The following GALNT13 variants were observed in gnomAD, a reference collection of about 807,000 sequenced individuals.
GALNT13 encodes polypeptide N-acetylgalactosaminyltransferase 13.
GALNT13 carries 28 observed loss-of-function variants against 64.2 expected under a neutral mutation model. That is an observed-to-expected ratio of 0.44 (90% CI 0.32 to 0.60). The LOEUF (loss-of-function observed/expected upper bound fraction) is 0.60, where lower values mean the gene tolerates loss of function less well. Ranked by LOEUF, GALNT13 falls within the 20% of genes least tolerant of loss-of-function variation. GALNT13 has a pLI of 0.05. For synonymous variants in GALNT13, 214 were observed against 224.6 expected (o/e 0.95, Z 0.42); for missense variants, 577 against 669.8 (o/e 0.86, Z 1.53).
chr2:153,695,759 A>T, the GALNT13 span, among the ~76,000 whole-genome samples: 39 of 152,342 alleles, frequency 2.6e-4, no homozygotes, highest in African/African-American at 8.7e-4. Flanking sequence ...CATTACACAG[A>T]GGATGATATT....
chr2:153,209,609 C>T, the GALNT13 span, among the ~76,000 whole-genome samples: 1,456 of 152,174 alleles, frequency 9.6e-3, 10 homozygotes, highest in Middle Eastern at 0.014. Flanking sequence ...AGTCCTCCAA[C>T]TTATATCTTA....
At chr2:153,244,602 G>A in the GALNT13 span, among the ~76,000 whole-genome samples, 1 of 152,232 alleles carries the variant, frequency 6.6e-6, no homozygotes, top group South Asian at 2.1e-4. Flanking sequence ...ACTAAGGCCA[G>A]ATGCTACGCT....
At chr2:153,075,065 A>G in the GALNT13 span, among the ~76,000 whole-genome samples, 2 of 152,180 alleles carry the variant, frequency 1.3e-5, no homozygotes, top group African/African-American at 4.8e-5. Flanking sequence ...TATTTTGGGC[A>G]AAGAGAACAT....
the GALNT13 span, among the ~76,000 whole-genome samples, chr2:153,614,508 C>A: frequency 6.6e-6 from 1 of 151,990 alleles, no homozygotes; most frequent in Non-Finnish European, 1.5e-5. Flanking sequence ...TGAGTCAACT[C>A]CTTGAGTCAG....
intron 9 of GALNT13, among the ~76,000 whole-genome samples, chr2:154,345,612 C>T (rs1390663687): frequency 1.3e-5 from 2 of 151,936 alleles, no homozygotes; most frequent in Non-Finnish European, 2.9e-5. Flanking sequence ...ATATGCTAGA[C>T]CCAGAGCATA....
chr2:153,240,744 C>G, the GALNT13 span, among the ~76,000 whole-genome samples: 2 of 152,030 alleles, frequency 1.3e-5, no homozygotes, highest in African/African-American at 4.8e-5. Context: ...TGTCTGTAGT[C>G]CAGTCATGGA....
At chr2:153,462,881 A>T in the GALNT13 span, among the ~76,000 whole-genome samples, 1 of 152,090 alleles carries the variant, frequency 6.6e-6, no homozygotes, top group African/African-American at 2.4e-5. Flanking sequence ...ACTTCTAATC[A>T]CTGGCATATA....
chr2:154,427,573 A>C (rs1700526993), intron 11 of GALNT13, among the ~76,000 whole-genome samples: 1 of 152,208 alleles, frequency 6.6e-6, no homozygotes. Flanking sequence ...TTGAGGTGAA[A>C]GCAGAAAGAG....
At chr2:154,375,695 A>G (rs1309395955) in intron 9 of GALNT13, among the ~76,000 whole-genome samples, 1 of 152,024 alleles carries the variant, frequency 6.6e-6, no homozygotes, top group Non-Finnish European at 1.5e-5. Flanking sequence ...TAATAATGCG[A>G]TTTTCAAACC....
the GALNT13 span, among the ~76,000 whole-genome samples, chr2:153,407,039 A>G: frequency 6.6e-6 from 1 of 152,086 alleles, no homozygotes; most frequent in Non-Finnish European, 1.5e-5. Flanking sequence ...AAAACAATAA[A>G]TATATAAAGA....
chr2:153,245,957 G>T, the GALNT13 span, among the ~76,000 whole-genome samples: 1 of 152,036 alleles, frequency 6.6e-6, no homozygotes, highest in Admixed American at 6.6e-5. Context: ...CAACATAAAT[G>T]ACCTGATGGA....
the GALNT13 span, among the ~76,000 whole-genome samples, chr2:153,141,490 T>C: frequency 1.3e-5 from 2 of 151,970 alleles, no homozygotes; most frequent in South Asian, 4.1e-4. Context: ...TTTTGTCTAG[T>C]ATTAAAACCT....
chr2:153,900,176 T>C (rs1688144299), intron 1 of GALNT13, among the ~76,000 whole-genome samples: 1 of 152,000 alleles, frequency 6.6e-6, no homozygotes, highest in Non-Finnish European at 1.5e-5. Flanking sequence ...TGTATTTTAT[T>C]ATATGTCTTT....
chr2:153,822,070 CA>C, the GALNT13 span, among the ~76,000 whole-genome samples: 1 of 152,018 alleles, frequency 6.6e-6, no homozygotes, highest in Admixed American at 6.6e-5. Flanking sequence ...GTATGAGCTC[CA>C]AAATAGAATC....
intron 8 of GALNT13, among the ~76,000 whole-genome samples, chr2:154,272,546 A>G (rs1691411064): frequency 6.6e-6 from 1 of 152,110 alleles, no homozygotes; most frequent in African/African-American, 2.4e-5. Context: ...CCAAACATAA[A>G]GGACTTAAAT....
At chr2:153,143,290 T>C in the GALNT13 span, among the ~76,000 whole-genome samples, 1 of 152,096 alleles carries the variant, frequency 6.6e-6, no homozygotes, top group South Asian at 2.1e-4. Context: ...TTGGGAAACT[T>C]TTTTTAAAAA....
At chr2:154,322,872 A>G (rs1036928658) in intron 9 of GALNT13, among the ~76,000 whole-genome samples, 2 of 152,074 alleles carry the variant, frequency 1.3e-5, no homozygotes, top group Non-Finnish European at 2.9e-5. Flanking sequence ...GCAGGATCCA[A>G]GATGGCTTTA....
At chr2:153,770,267 C>T in the GALNT13 span, among the ~76,000 whole-genome samples, 2 of 151,016 alleles carry the variant, frequency 1.3e-5, no homozygotes, top group African/African-American at 2.4e-5. Context: ...CCCTACCCCT[C>T]ATTGTGGAGG....
At chr2:153,416,043 A>G in the GALNT13 span, among the ~76,000 whole-genome samples, 4 of 152,226 alleles carry the variant, frequency 2.6e-5, no homozygotes, top group Non-Finnish European at 1.5e-5. Context: ...TACTGAAATT[A>G]GGCCCTGTGT....
Sources: gnomAD v4.1 joint callset for allele counts (sites outside exome capture counted in the v4.1 genomes callset) on GRCh38, gnomAD v4.1.1 for gene constraint, MANE v1.5 for transcripts, NCBI Gene and HGNC (gene_info 2026-07-23, HGNC 2026-07-21) for gene names.